Variants in CDC42BPG observed in about 807,000 individuals in gnomAD.
CDC42BPG encodes CDC42 binding protein kinase gamma, also known as serine/threonine-protein kinase MRCK gamma.
CDC42BPG carries 157 observed loss-of-function variants against 192.2 expected under a neutral mutation model. The ratio of observed to expected loss-of-function variants is 0.82; its 90% CI spans 0.72 to 0.93. The LOEUF is 0.93. Ranked by LOEUF, CDC42BPG falls within the 40% of genes least tolerant of loss-of-function variation. The pLI is 0.00. For missense variants in CDC42BPG, 1,992 were observed against 2,122.1 expected, an observed-to-expected ratio of 0.94 and a Z score of 1.20; for synonymous variants, 981 against 918.5, an observed-to-expected ratio of 1.07 and a Z score of -1.23.
In CDC42BPG at chr11:64,826,159, C is replaced by T. The variant is rs1260546142; in HGVS notation, c.4599+311G>A. 1.1e-4 allele frequency among the ~76,000 whole-genome samples: 16 copies of T among 151,992 alleles called. No individual in the cohort carries two copies. The East Asian group carries it at 3.1e-3, about 29-fold the overall frequency. ...ATGCTGAGCCCTTCGCAGGTATCAT[C>T]AGCTCATGCAGGCCTCCCAGAAACC... On this transcript the variant is annotated intron_variant, in intron 36 of 36. Transcript: ENST00000342711.
intron 1 of CDC42BPG, among the ~76,000 whole-genome samples, chr11:64,843,303 A>G (rs556402292): frequency 6.6e-6 from 1 of 152,150 alleles, no homozygotes; most frequent in African/African-American, 2.4e-5. Flanking sequence ...GGAGGAGCAC[A>G]CATGTGTGTG....
chr11:64,829,223 GAA>G (rs1007795022), intron 30 of CDC42BPG, among the ~76,000 whole-genome samples: 13 of 151,368 alleles, frequency 8.6e-5, no homozygotes, highest in Admixed American at 6.6e-4. Flanking sequence ...TGTCTCAAAA[GAA>G]AAAAAAAGTT....
At position 64,834,305 on chromosome 11, in the gene CDC42BPG, C is replaced by T. The variant is rs763474884; in HGVS notation, c.2374G>A (p.Ala792Thr). ...KQSQALQQEL[A>T]MLREELRARG... ...GCCCGCAGCTCCTCCCGCAGCATGG[C>T]GAGCTCCTGTTGCAGGGCCTGGCTC... Residue 792 changes from alanine (A) to threonine (T), a missense_variant, in exon 20 of 37, where the codon GCC (alanine) becomes ACC (threonine). By Grantham distance (58) the Ala-to-Thr change is moderately conservative. Coordinates refer to ENST00000342711, the MANE Select transcript of CDC42BPG (RefSeq NM_017525.3). 16 of 1,580,662 alleles carry T rather than the reference C, an allele frequency of 1.0e-5. No homozygotes were observed. Among genetic ancestry groups the T allele is most frequent in the Middle Eastern group, 1.9e-4 (1 of 5,224 alleles).
intron 34 of CDC42BPG, 78 bp downstream of exon 34, chr11:64,826,972 T>G (rs1942452649): frequency 8.3e-7 from 1 of 1,198,530 alleles, no homozygotes; most frequent in African/African-American, 1.5e-5. Flanking sequence ...GGCCCGTGAT[T>G]GGCTAGAGCT....
chr11:64,833,213 G>A lies in CDC42BPG; in HGVS notation c.2731+18C>T. 1.2e-5 allele frequency: 18 copies of A among 1,525,416 alleles called. No homozygotes were observed. Among genetic ancestry groups the A allele is most frequent in the Non-Finnish European group, 1.6e-5 (18 of 1,124,926 alleles). 94.5% of individuals were successfully genotyped at this position (1,525,416 alleles called of 1,614,324 possible). On this transcript the variant is annotated intron_variant, in intron 24 of 36. Transcript: ENST00000342711. ...CACCTGGGACCGTGGCTGGAGCATA[G>A]TGGGTGGGGACTCTCACCATCACAA...
intron 31 of CDC42BPG, 21 bp downstream of exon 31, chr11:64,827,665 A>G: frequency 6.2e-7 from 1 of 1,607,242 alleles, no homozygotes; most frequent in Non-Finnish European, 8.5e-7. Context: ...GCGCTACCCC[A>G]GGGCTCTGGC....
chr11:64,826,840 A>G, intron 34 of CDC42BPG, 46 bp from the exon 35 acceptor site: 1 of 1,466,442 alleles, frequency 6.8e-7, no homozygotes, highest in East Asian at 2.4e-5. Context: ...AGGCACAAGG[A>G]GGACAAGAGG....
At position 64,840,550 on chromosome 11, in the gene CDC42BPG, C is replaced by T. The variant is rs1437077422; in HGVS notation, c.432+3G>A. 2.5e-6 allele frequency: 4 copies of T among 1,613,760 alleles called. No individual in the cohort carries two copies. Among genetic ancestry groups the T allele is most frequent in the Non-Finnish European group, 3.4e-6 (4 of 1,179,802 alleles). ...CCCCTCCAGCCCCGCCACGTATCCT[C>T]ACCAGGTACTCCTCGTCTTGGAAGG... On this transcript the variant is annotated splice_donor_region_variant and intron_variant, in intron 4 of 36. Coordinates refer to ENST00000342711, the MANE Select transcript of CDC42BPG (RefSeq NM_017525.3).
Position 64,842,006 on chromosome 11 carries a change from A to G in CDC42BPG, c.161-102T>C. 5.5e-6 allele frequency: 5 copies of G among 908,380 alleles called. No individual in the cohort carries two copies. The South Asian group carries it at 5.7e-5, about 10-fold the overall frequency. 56.3% of individuals were successfully genotyped at this position (908,380 alleles called of 1,614,324 possible). On this transcript the variant is annotated intron_variant, in intron 1 of 36. Coordinates refer to ENST00000342711, the MANE Select transcript of CDC42BPG (RefSeq NM_017525.3). The stretch of plus-strand genomic sequence containing the variant: ...AGCTGCCGCTCCTGTGAGCCCAGGC[A>G]GGGATGACCTCCCCAGGGACAGCCT...
intron 28 of CDC42BPG, 35 bp from the exon 29 acceptor site, chr11:64,830,291 G>C (rs1246690126): frequency 1.3e-6 from 2 of 1,549,860 alleles, no homozygotes; most frequent in African/African-American, 2.7e-5. Context: ...GAGGTCAGCA[G>C]TCCCACTCAA....
chr11:64,826,127 A>G (rs1210072013), intron 36 of CDC42BPG, among the ~76,000 whole-genome samples: 3 of 150,782 alleles, frequency 2.0e-5, no homozygotes, highest in African/African-American at 7.3e-5. Context: ...TCCCCATGCC[A>G]GGTACTATGC....
Position 64,834,977 on chromosome 11 carries a change from G to A in CDC42BPG, c.2061-14C>T, listed in dbSNP as rs759332634. The A allele has an allele frequency of 1.9e-6, 3 of 1,613,536 alleles. No individual in the cohort carries two copies. Among genetic ancestry groups the A allele is most frequent in the African/African-American group, 2.7e-5 (2 of 75,030 alleles). The stretch of plus-strand genomic sequence containing the variant: ...TCATCATTCACCCTGAATGGGAAGG[G>A]GCTCAGGGTCATGGGCTGGGCCCTC... On this transcript the variant is annotated splice_polypyrimidine_tract_variant and intron_variant, in intron 17 of 36. Coordinates refer to ENST00000342711, the MANE Select transcript of CDC42BPG (RefSeq NM_017525.3).
Position 64,838,842 on chromosome 11 carries a change from G to A in CDC42BPG, c.937C>T (p.Arg313Cys), listed in dbSNP as rs376111423. The change falls in exon 8 of 37, where the codon CGC (arginine) becomes TGC (cysteine). Residue 313 changes from arginine (R) to cysteine (C), a missense_variant. This residue lies in a region of CDC42BPG where 1,656 missense variants were observed against 1,844.3 expected (regional missense o/e 0.90). Coordinates refer to ENST00000342711, the MANE Select transcript of CDC42BPG (RefSeq NM_017525.3). The part of the protein sequence containing the change: ...DVPASAQDLI[R>C]QLLCRQEERL... ...TCTTCCTGGCGACACAGCAGCTGGC[G>A]GATCAGGTCTTGGGCGCTGGCTGGC... is the stretch of plus-strand genomic sequence containing the variant. 2.5e-5 allele frequency: 40 copies of A among 1,612,298 alleles called. No individual in the cohort carries two copies. The highest frequency in any genetic ancestry group is 4.5e-5 in the East Asian group (2 of 44,880).
At chr11:64,830,715 G>A (rs373607455) in intron 28 of CDC42BPG, among the ~76,000 whole-genome samples, 3 of 152,162 alleles carry the variant, frequency 2.0e-5, no homozygotes, top group East Asian at 1.9e-4. Context: ...GCTGGGGAAC[G>A]CCAAGGAGCT....
In CDC42BPG at chr11:64,839,057, G is replaced by A; in HGVS notation, c.852C>T (p.Thr284=). 6.2e-7 allele frequency: 1 copy of A among 1,613,682 alleles called. No homozygotes were observed. The highest frequency in any genetic ancestry group is 8.5e-7 in the Non-Finnish European group (1 of 1,180,032). Residue 284 remains threonine, a synonymous_variant, in exon 7 of 37, where the codon ACC becomes ACT. Transcript: ENST00000342711. ...CCTCGTGGTTCATGATCTTGCCGTA[G>A]GTTTCCACCAAGGACTCAGCATAGA... ...TPFYAESLVE[T]YGKIMNHEDH... is the part of the protein sequence containing the mutation.
At position 64,826,761 on chromosome 11, in the gene CDC42BPG, A is replaced by C; in HGVS notation, c.4423T>G (p.Ser1475Ala). ...PEEKGRVARGSGPQRPHSFSE... is the reference protein window; with the variant it reads ...PEEKGRVARGAGPQRPHSFSE... ...AAGCTGTGGGGCCGCTGTGGGCCGG[A>C]GCCGCGGGCAACTCGGCCCTTCTCT... The change falls in exon 35 of 37, where the codon TCC becomes GCC. Residue 1475 changes from serine to alanine, a missense_variant. Ser to Ala is a moderately conservative substitution (Grantham distance 99). Coordinates refer to ENST00000342711, the MANE Select transcript of CDC42BPG (RefSeq NM_017525.3). 3 of 1,529,216 alleles carry C rather than the reference A, an allele frequency of 2.0e-6. No homozygotes were observed. Among genetic ancestry groups the C allele is most frequent in the Middle Eastern group, 2.2e-4 (1 of 4,468 alleles). The allele number at this position is 1,529,216 out of a possible 1,614,324, so 94.7% of individuals were successfully genotyped here.
At chr11:64,833,047 C>T (rs763483311) in intron 24 of CDC42BPG, 88 bp from the exon 25 acceptor site, 1,081 of 1,447,616 alleles carry the variant, frequency 7.5e-4, no homozygotes, top group Non-Finnish European at 9.7e-4. Flanking sequence ...AGCCAGCTTC[C>T]CTGAAGCCAC....
intron 36 of CDC42BPG, 71 bp downstream of exon 36, chr11:64,826,399 C>G (rs555841078): frequency 9.4e-7 from 1 of 1,069,310 alleles, no homozygotes; most frequent in Non-Finnish European, 1.4e-6. Flanking sequence ...GGTCACTGTG[C>G]AAGGCCTAGC....
intron 11 of CDC42BPG, 21 bp downstream of exon 11, chr11:64,836,718 G>GGGGGGGGGGGGGGA (rs1943025004): frequency 1.1e-5 from 9 of 849,654 alleles, no homozygotes; most frequent in South Asian, 3.5e-5. Context: ...GGGGGGGGGG[G>GGGGGGGGGGGGGGA]GGGGTGGGCG....
Sources: gnomAD v4.1 joint callset for allele counts (sites outside exome capture counted in the v4.1 genomes callset) on GRCh38, gnomAD v4.1.1 for gene constraint, gnomAD v4.1.1 regional missense constraint, MANE v1.5 for transcripts, NCBI Gene and HGNC (gene_info 2026-07-23, HGNC 2026-07-21) for gene names.